The following DAP3 variants were observed in gnomAD, a reference collection of about 807,000 sequenced individuals.
DAP3 encodes the protein small ribosomal subunit protein mS29.
A neutral mutation model predicts 51.9 loss-of-function variants in DAP3; 28 were observed. The ratio of observed to expected loss-of-function variants is 0.54; its 90% CI spans 0.40 to 0.74. The LOEUF (loss-of-function observed/expected upper bound fraction) is 0.74, where lower values mean the gene tolerates loss of function less well. Among genes scored for constraint, DAP3 ranks in the 30% least tolerant of loss-of-function variants. The pLI is 0.00. For synonymous variants in DAP3, 170 were observed against 170.3 expected, an observed-to-expected ratio of 1.00 and a Z score of 0.01; for missense variants, 458 against 483.5, an observed-to-expected ratio of 0.95 and a Z score of 0.49.
At chr1:155,711,554 G>A (rs1656712189) in intron 2 of DAP3, among the ~76,000 whole-genome samples, 1 of 151,290 alleles carries the variant, frequency 6.6e-6, no homozygotes, top group African/African-American at 2.4e-5. Flanking sequence ...AGGCTAGACT[G>A]TAGAGTGCTG....
chr1:155,709,283 C>G (rs1020693327), intron 1 of DAP3, among the ~76,000 whole-genome samples: 2 of 152,056 alleles, frequency 1.3e-5, no homozygotes, highest in Admixed American at 1.3e-4. Flanking sequence ...GGAGCTGGGA[C>G]TACAGGCATG....
At chr1:155,726,108 CTTTTCTTTTT>C in intron 6 of DAP3, 89 bp downstream of exon 6, 1 of 902,000 alleles carries the variant, frequency 1.1e-6, no homozygotes, top group Non-Finnish European at 1.6e-6. Context: ...CTTTTCTTTT[CTTTTCTTTTT>C]TTTTTTTTTT....
intron 9 of DAP3, among the ~76,000 whole-genome samples, chr1:155,730,641 A>C (rs1306740592): frequency 6.6e-6 from 1 of 152,160 alleles, no homozygotes; most frequent in Admixed American, 6.6e-5. Context: ...AAGAAAAGAT[A>C]AACAGTAAAA....
At chr1:155,696,260 A>G (rs1654494934) in intron 1 of DAP3, among the ~76,000 whole-genome samples, 1 of 152,174 alleles carries the variant, frequency 6.6e-6, no homozygotes, top group African/African-American at 2.4e-5. Context: ...GACTGAGTCA[A>G]TCCTACTAAC....
chr1:155,731,259 T>A (rs1659212851), intron 9 of DAP3, 97 bp from the exon 10 acceptor site: 3 of 1,218,000 alleles, frequency 2.5e-6, no homozygotes, highest in Non-Finnish European at 3.6e-6. Flanking sequence ...AGAGCGAGAC[T>A]CTGTCAAAAA....
intron 2 of DAP3, among the ~76,000 whole-genome samples, chr1:155,716,787 A>C (rs534139079): frequency 1.4e-4 from 21 of 152,012 alleles, no homozygotes; most frequent in Admixed American, 5.2e-4. Flanking sequence ...TTCTACTAAA[A>C]ATATAAAAAA....
chr1:155,721,480 T>C, intron 3 of DAP3, 37 bp from the exon 4 acceptor site: 1 of 1,600,652 alleles, frequency 6.2e-7, no homozygotes, highest in Non-Finnish European at 8.6e-7. Context: ...TTGGTCACTT[T>C]GTCACCATTA....
chr1:155,691,069 A>G (rs1653757286), intron 1 of DAP3, among the ~76,000 whole-genome samples: 1 of 141,810 alleles, frequency 7.1e-6, no homozygotes, highest in Admixed American at 6.6e-5. Context: ...CACCACGTCC[A>G]GCTAATTTTT....
chr1:155,689,073 A>G (rs41264949), upstream of DAP3: 15 of 1,495,176 alleles, frequency 1.0e-5, no homozygotes, highest in Non-Finnish European at 1.4e-5. Flanking sequence ...TTCCTGCCGG[A>G]TGACCCGACC....
chr1:155,704,318 T>C (rs1655687622), intron 1 of DAP3, among the ~76,000 whole-genome samples: 1 of 152,172 alleles, frequency 6.6e-6, no homozygotes. Context: ...TCATAGTGTC[T>C]ATAACATAGG....
rs754890180 is a variant in DAP3 at position 155,729,325 on chromosome 1, C to T, written c.802C>T (p.Leu268Phe). ...LLVAVDGINA[L>F]WGRTTLKRED... ...AGTGGCCGTGGATGGAATCAATGCT[C>T]TTTGGGGAAGAACCACTCTGAAAAG... is the stretch of plus-strand genomic sequence containing the variant. The change falls in exon 9 of 13, where the codon CTT becomes TTT. Residue 268 changes from leucine (L) to phenylalanine (F), a missense_variant. By Grantham distance (22) the Leu-to-Phe change is conservative (BLOSUM62 0). Coordinates refer to ENST00000368336, the MANE Select transcript of DAP3 (RefSeq NM_004632.4). 9.5e-5 allele frequency: 153 copies of T among 1,614,020 alleles called. No individual in the cohort carries two copies. The highest frequency in any genetic ancestry group is 1.3e-4 in the Non-Finnish European group (149 of 1,180,052).
At chr1:155,712,232 G>A (rs1656798981) in intron 2 of DAP3, among the ~76,000 whole-genome samples, 1 of 152,146 alleles carries the variant, frequency 6.6e-6, no homozygotes, top group Non-Finnish European at 1.5e-5. Context: ...GAACTGTACA[G>A]AGGCAATTGT....
At chr1:155,725,713 T>C (rs1658501233) in intron 5 of DAP3, among the ~76,000 whole-genome samples, 1 of 151,986 alleles carries the variant, frequency 6.6e-6, no homozygotes, top group Non-Finnish European at 1.5e-5. Context: ...AAATGCAATA[T>C]ATTAGCCGGG....
In DAP3 at chr1:155,727,693, C is replaced by G. The variant is rs1282576346; in HGVS notation, c.558C>G (p.Thr186=). 6.2e-7 allele frequency: 1 copy of G among 1,613,786 alleles called. No homozygotes were observed. Among genetic ancestry groups the G allele is most frequent in the African/African-American group, 1.3e-5 (1 of 74,992 alleles). ...TTGATCAACCTTTAGAGGCTTCAAC[C>G]TGGCTGAAGAATTTCAAAACTACAA... ...QRFDQPLEAS[T]WLKNFKTTNE... The change falls in exon 7 of 13, where the codon ACC becomes ACG. Residue 186 remains threonine, a synonymous_variant. Transcript: ENST00000368336.
At chr1:155,737,405 A>T (rs755029869) in intron 12 of DAP3, among the ~76,000 whole-genome samples, 3 of 152,182 alleles carry the variant, frequency 2.0e-5, no homozygotes, top group Non-Finnish European at 4.4e-5. Context: ...ATGCTGGGAC[A>T]CCCACAGAAA....
At chr1:155,717,545 C>G (rs1009155605) in intron 3 of DAP3, among the ~76,000 whole-genome samples, 1 of 152,178 alleles carries the variant, frequency 6.6e-6, no homozygotes, top group Non-Finnish European at 1.5e-5. Flanking sequence ...GATGATCTGT[C>G]ACAAGTACTC....
intron 11 of DAP3, among the ~76,000 whole-genome samples, chr1:155,735,650 AT>A: frequency 6.6e-6 from 1 of 150,730 alleles, no homozygotes; most frequent in Non-Finnish European, 1.5e-5. Flanking sequence ...CATCTAGCGT[AT>A]TTTTTCCCAT....
At chr1:155,716,819 C>T (rs942383493) in intron 2 of DAP3, among the ~76,000 whole-genome samples, 187 bp from the exon 3 acceptor site, 3 of 151,252 alleles carry the variant, frequency 2.0e-5, no homozygotes, top group African/African-American at 7.3e-5. Flanking sequence ...TGGTGGCGCA[C>T]GCCTGTAATC....
chr1:155,727,597 T>G lies in DAP3; in HGVS notation c.473-11T>G. The G allele has an allele frequency of 6.2e-7, 1 of 1,609,606 alleles. No homozygotes were observed. The highest frequency in any genetic ancestry group is 2.2e-5 in the East Asian group (1 of 44,812). On this transcript the variant is annotated splice_polypyrimidine_tract_variant and intron_variant, in intron 6 of 12. Coordinates refer to ENST00000368336, the MANE Select transcript of DAP3 (RefSeq NM_004632.4). ...GCCTGGCTTGTTTTCTTCTGCCTCT[T>G]TTTTTTAAAGCTCATCTTTGGGTGA...
Sources: allele counts gnomAD v4.1 joint callset (sites outside exome capture counted in the v4.1 genomes callset), GRCh38; gene constraint gnomAD v4.1.1; transcripts MANE v1.5; gene names NCBI Gene and HGNC (gene_info 2026-07-23, HGNC 2026-07-21).